Variants in LAMA3 observed in about 807,000 individuals in gnomAD.
LAMA3 encodes laminin subunit alpha 3, also known as laminin subunit alpha-3.
A neutral mutation model predicts 402.0 loss-of-function variants in LAMA3; 281 were observed. That is an observed-to-expected ratio of 0.70 (90% CI 0.63 to 0.77). The LOEUF (loss-of-function observed/expected upper bound fraction) is 0.77, where lower values mean the gene tolerates loss of function less well. Ranked by LOEUF, LAMA3 falls within the 30% of genes least tolerant of loss-of-function variation. The pLI is 0.00. For missense variants in LAMA3, 3,840 were observed against 4,215.5 expected (o/e 0.91, Z 2.47); for synonymous variants, 1,431 against 1,558.4 (o/e 0.92, Z 1.93).
chr18:23,717,653 A>T lies in LAMA3; in HGVS notation c.447+3581A>T, dbSNP rs183688528. On this transcript the variant is annotated intron_variant, in intron 2 of 74. Coordinates refer to ENST00000313654, the MANE Select transcript of LAMA3 (RefSeq NM_198129.4). ...CTGCAACCTCCGTCTCCCAGGTTCA[A>T]GTGATTGCCTTACCTCAGCCTCCCA... is the stretch of plus-strand genomic sequence containing the variant. 9.1e-4 allele frequency among the ~76,000 whole-genome samples: 131 copies of T among 143,510 alleles called. 1 individual carries two copies. The Admixed American group carries it at 9.5e-3, about 10-fold the overall frequency. 94.1% of individuals were successfully genotyped at this position (143,510 alleles called of 152,430 possible).
In LAMA3 at chr18:23,800,696, G is replaced by A. The variant is rs61466453; in HGVS notation, c.1604-9670G>A. Reference sequence around the variant, plus strand: ...TCCCTGTCCCCGCTCCTACACTTCTGAGCCTCTGTTAAACACTGTGCTGTT... The same window carrying A: ...TCCCTGTCCCCGCTCCTACACTTCTAAGCCTCTGTTAAACACTGTGCTGTT... On this transcript the variant is annotated intron_variant, in intron 12 of 74. Transcript: ENST00000313654. 3.3e-3 allele frequency among the ~76,000 whole-genome samples: 508 copies of A among 152,174 alleles called. 1 individual carries two copies. Among genetic ancestry groups the A allele is most frequent in the African/African-American group, 0.011 (476 of 41,542 alleles).
chr18:23,799,616 A>C (rs1253586954), intron 12 of LAMA3, among the ~76,000 whole-genome samples: 2 of 152,188 alleles, frequency 1.3e-5, no homozygotes, highest in Non-Finnish European at 2.9e-5. Context: ...AGCTACCCTA[A>C]TGCCCGCATG....
Position 23,890,070 on chromosome 18 carries a change from G to A in LAMA3, c.5363G>A (p.Ser1788Asn). 1.9e-6 allele frequency: 3 copies of A among 1,614,178 alleles called. No homozygotes were observed. Among genetic ancestry groups the A allele is most frequent in the Non-Finnish European group, 2.5e-6 (3 of 1,179,988 alleles). ...QKFGGSCQPCSCNSNGQLGSC... is the reference protein window; with the variant it reads ...QKFGGSCQPCNCNSNGQLGSC... ...TTCGGAGGTAGCTGCCAACCATGCA[G>A]TTGTAACAGCAATGGCCAGCTGGGC... Residue 1788 changes from serine (S) to asparagine (N), a missense_variant, in exon 42 of 75, where the codon AGT (serine) becomes AAT (asparagine). This residue lies in a region of LAMA3 where 2,109 missense variants were observed against 2,376.0 expected (regional missense o/e 0.89). Transcript: ENST00000313654.
chr18:23,719,452 A>T (rs1415016926), intron 2 of LAMA3, among the ~76,000 whole-genome samples: 10 of 152,218 alleles, frequency 6.6e-5, no homozygotes, highest in Admixed American at 6.5e-4. Flanking sequence ...GAAAATTCAG[A>T]AATTGTTTCT....
rs754198541 is a variant in LAMA3, at chr18:23,876,315, C to T, written c.5020C>T (p.Arg1674Trp). Reference sequence around the variant, plus strand: ...ATAGGGTTGTAGCCCTGGATACTATCGGGATCATAAAGGCTTGTATACCGG... The same window carrying T: ...ATAGGGTTGTAGCCCTGGATACTATTGGGATCATAAAGGCTTGTATACCGG... The part of the protein sequence containing the change: ...SCQGCSPGYY[R>W]DHKGLYTGRC... The change falls in exon 39 of 75, where the codon CGG becomes TGG. Residue 1674 changes from arginine (R) to tryptophan (W), a missense_variant. This residue lies in a region of LAMA3 where 2,109 missense variants were observed against 2,376.0 expected (regional missense o/e 0.89). Transcript: ENST00000313654. 1.4e-5 allele frequency: 23 copies of T among 1,613,138 alleles called. No homozygotes were observed. In the African/African-American group the frequency reaches 2.1e-4, roughly 15 times the overall value.
chr18:23,915,291 T>C lies in LAMA3; in HGVS notation c.7647T>C (p.Leu2549=), dbSNP rs148053601. 37 of 1,613,550 alleles carry C rather than the reference T, an allele frequency of 2.3e-5. 1 individual carries two copies. The African/African-American group carries it at 4.3e-4, about 19-fold the overall frequency. Residue 2549 remains leucine, a splice_region_variant and synonymous_variant, in exon 59 of 75, where the codon CTT becomes CTC. Transcript: ENST00000313654. ...AAGATGTTTTATTTCATTTTCAGCTTCCCAGTCGACTAAGTTTCCCTCCAT... is the reference window on the plus strand; with the variant it reads ...AAGATGTTTTATTTCATTTTCAGCTCCCCAGTCGACTAAGTTTCCCTCCAT... The part of the protein sequence containing the change: ...YVGGYPPDFK[L]PSRLSFPPYK...
chr18:23,856,433 T>G (rs1377408142), intron 32 of LAMA3, among the ~76,000 whole-genome samples: 1 of 152,230 alleles, frequency 6.6e-6, no homozygotes, highest in Non-Finnish European at 1.5e-5. Flanking sequence ...ATACTTCCCT[T>G]AGTCCCACAG....
chr18:23,816,545 T>A (rs1052896110), intron 18 of LAMA3, 58 bp downstream of exon 18: 32 of 1,374,252 alleles, frequency 2.3e-5, no homozygotes, highest in Admixed American at 6.9e-5. Context: ...TCTTAGACAT[T>A]CCTGCCTGTG....
chr18:23,851,767 C>G (rs1363915634), intron 32 of LAMA3, among the ~76,000 whole-genome samples: 1 of 152,172 alleles, frequency 6.6e-6, no homozygotes, highest in Non-Finnish European at 1.5e-5. Flanking sequence ...TCGACTCAAC[C>G]TGGGTTCTCT....
rs990839866 is a variant in LAMA3 at position 23,689,516 on chromosome 18, C to G, written c.-168C>G. 2 of 574,484 alleles carry G rather than the reference C, an allele frequency of 3.5e-6. No homozygotes were observed. Among genetic ancestry groups the G allele is most frequent in the African/African-American group, 2.0e-5 (1 of 51,266 alleles). 35.6% of individuals were successfully genotyped at this position (574,484 alleles called of 1,614,324 possible). ...GGTTCCAGAGCTGAGAGGCCACCCC[C>G]ACGCCGCGGGCTTCCAGCGCGTGGA... On this transcript the variant is annotated 5_prime_UTR_variant, in exon 1 of 75. Coordinates refer to ENST00000313654, the MANE Select transcript of LAMA3 (RefSeq NM_198129.4).
chr18:23,741,430 A>T (rs1248941240), intron 2 of LAMA3, among the ~76,000 whole-genome samples: 1 of 152,200 alleles, frequency 6.6e-6, no homozygotes, highest in African/African-American at 2.4e-5. Flanking sequence ...TTTTGTAAAA[A>T]AATGTCAAAC....
intron 9 of LAMA3, 84 bp from the exon 10 acceptor site, chr18:23,775,708 A>G (rs1425406921): frequency 4.1e-6 from 6 of 1,477,000 alleles, no homozygotes; most frequent in Non-Finnish European, 5.7e-6. Flanking sequence ...CAAGTATGGA[A>G]CGTTGCCTGG....
intron 11 of LAMA3, among the ~76,000 whole-genome samples, chr18:23,781,478 A>G (rs770938899): frequency 6.6e-6 from 1 of 152,256 alleles, no homozygotes; most frequent in Non-Finnish European, 1.5e-5. Flanking sequence ...ATATTTTTAC[A>G]TGTACATGAG....
chr18:23,766,176 C>T (rs2062071352), intron 8 of LAMA3, among the ~76,000 whole-genome samples: 1 of 152,036 alleles, frequency 6.6e-6, no homozygotes, highest in African/African-American at 2.4e-5. Flanking sequence ...CTGCTGAAAT[C>T]CAAAGACAAA....
At chr18:23,880,283 C>T (rs930098225) in intron 39 of LAMA3, among the ~76,000 whole-genome samples, 6 of 152,180 alleles carry the variant, frequency 3.9e-5, no homozygotes, top group African/African-American at 1.4e-4. Context: ...TGATGATAAG[C>T]AAATGTGAAC....
intron 34 of LAMA3, among the ~76,000 whole-genome samples, chr18:23,860,121 T>C (rs1014116975): frequency 3.9e-5 from 6 of 152,198 alleles, no homozygotes; most frequent in African/African-American, 1.4e-4. Flanking sequence ...CTGGTAGTAA[T>C]AGCCAAATCC....
intron 12 of LAMA3, among the ~76,000 whole-genome samples, chr18:23,800,280 C>T (rs1226132819): frequency 1.3e-5 from 2 of 152,174 alleles, no homozygotes; most frequent in Non-Finnish European, 2.9e-5. Context: ...ATAAAGTCCT[C>T]GGGTGATGTT....
In LAMA3 at chr18:23,711,365, G is replaced by C. The variant is rs183542250; in HGVS notation, c.295-2555G>C. On this transcript the variant is annotated intron_variant, in intron 1 of 74. Coordinates refer to ENST00000313654, the MANE Select transcript of LAMA3 (RefSeq NM_198129.4). ...ACTAATTGTGAGATCAAGGGCTAAC[G>C]TGAGTGCTAAAGCTCCTGAGCCTGT... 4.8e-4 allele frequency among the ~76,000 whole-genome samples: 73 copies of C among 152,256 alleles called. 2 individuals are homozygous for C. The highest frequency in any genetic ancestry group is 4.6e-3 in the Admixed American group (71 of 15,296).
intron 67 of LAMA3, among the ~76,000 whole-genome samples, chr18:23,938,891 G>A (rs2082396360): frequency 6.6e-6 from 1 of 152,106 alleles, no homozygotes; most frequent in East Asian, 1.9e-4. Context: ...GAGCCCCTCT[G>A]CCTCCTAGCC....
Sources: allele counts gnomAD v4.1 joint callset (sites outside exome capture counted in the v4.1 genomes callset), GRCh38; gene constraint gnomAD v4.1.1; regional missense constraint gnomAD v4.1.1; transcripts MANE v1.5; gene names NCBI Gene and HGNC (gene_info 2026-07-23, HGNC 2026-07-21).